FHOD3: variants seen among roughly 807,000 people sequenced by gnomAD.
FHOD3 encodes formin homology 2 domain containing 3.
FHOD3 carries 90 observed loss-of-function variants against 173.0 expected under a neutral mutation model. The observed-to-expected ratio is 0.52, with a 90% CI of 0.44 to 0.62. The LOEUF (loss-of-function observed/expected upper bound fraction) is 0.62, where lower values mean the gene tolerates loss of function less well. Ranked by LOEUF, FHOD3 falls within the 20% of genes least tolerant of loss-of-function variation. The pLI is 0.00. For missense variants in FHOD3, 1,945 were observed against 2,034.7 expected, an observed-to-expected ratio of 0.96 and a Z score of 0.85; for synonymous variants, 828 against 823.0, an observed-to-expected ratio of 1.01 and a Z score of -0.10.
intron 16 of FHOD3, among the ~76,000 whole-genome samples, chr18:36,692,732 T>C (rs554605701): frequency 8.5e-5 from 13 of 152,310 alleles, no homozygotes; most frequent in African/African-American, 2.6e-4. Flanking sequence ...TGAAGCAGGT[T>C]CAGAAATTCA....
chr18:36,779,159 C>G, intron 28 of FHOD3: 1 of 448,148 alleles, frequency 2.2e-6, no homozygotes, highest in South Asian at 3.4e-5. Context: ...GAGGGTGAGC[C>G]TCTCCTCCTT....
At chr18:36,391,930 GTCT>G (rs1300724997) in intron 3 of FHOD3, among the ~76,000 whole-genome samples, 1 of 152,186 alleles carries the variant, frequency 6.6e-6, no homozygotes. Context: ...ATGGCTTGTG[GTCT>G]TCTTTGTCCC....
intron 1 of FHOD3, among the ~76,000 whole-genome samples, chr18:36,350,522 G>A (rs2046074031): frequency 6.6e-6 from 1 of 152,230 alleles, no homozygotes; most frequent in Non-Finnish European, 1.5e-5. Context: ...CTAGAGCCAA[G>A]AAAGGACTGC....
intron 3 of FHOD3, among the ~76,000 whole-genome samples, chr18:36,496,567 GA>G: frequency 6.6e-6 from 1 of 152,224 alleles, no homozygotes; most frequent in Middle Eastern, 3.4e-3. Flanking sequence ...AAAGCACTAT[GA>G]TTTCATTTTA....
intron 25 of FHOD3, among the ~76,000 whole-genome samples, chr18:36,756,258 T>C (rs1274564021): frequency 6.6e-6 from 1 of 152,216 alleles, no homozygotes; most frequent in Admixed American, 6.5e-5. Flanking sequence ...GACTCAACGA[T>C]AATAAAGTCA....
At chr18:36,508,520 C>T (rs915812996) in intron 4 of FHOD3, among the ~76,000 whole-genome samples, 44 of 152,206 alleles carry the variant, frequency 2.9e-4, no homozygotes, top group Admixed American at 2.4e-3. Flanking sequence ...TGAAGGGTCT[C>T]CCACTGGCTG....
At chr18:36,349,326 A>G (rs1457271174) in intron 1 of FHOD3, among the ~76,000 whole-genome samples, 1 of 152,230 alleles carries the variant, frequency 6.6e-6, no homozygotes, top group Non-Finnish European at 1.5e-5. Flanking sequence ...GGCCAAAGCA[A>G]GACACAGGTC....
chr18:36,611,840 A>G (rs577741133), intron 8 of FHOD3, 112 bp from the exon 9 acceptor site: 1 of 1,046,954 alleles, frequency 9.6e-7, no homozygotes, highest in South Asian at 1.8e-5. Context: ...GTCTGGATTG[A>G]TTAGTGGCCA....
intron 7 of FHOD3, among the ~76,000 whole-genome samples, chr18:36,597,770 C>G (rs934947654): frequency 6.7e-6 from 1 of 149,910 alleles, no homozygotes; most frequent in African/African-American, 2.5e-5. Flanking sequence ...CCTTTGGCAA[C>G]TGCTGTTGTC....
At chr18:36,389,737 G>C (rs935040956) in intron 3 of FHOD3, among the ~76,000 whole-genome samples, 81 of 152,160 alleles carry the variant, frequency 5.3e-4, no homozygotes, top group African/African-American at 1.9e-3. Context: ...ATTCCAGAGA[G>C]AGCAGGGAAT....
chr18:36,298,537 C>T (rs1004722510), intron 1 of FHOD3, among the ~76,000 whole-genome samples: 1 of 152,194 alleles, frequency 6.6e-6, no homozygotes, highest in Admixed American at 6.5e-5. Flanking sequence ...TCCTCCTTCC[C>T]CCGGGGGCGC....
At chr18:36,766,471 T>TTAC (rs1179555844) in intron 27 of FHOD3, among the ~76,000 whole-genome samples, 1 of 152,232 alleles carries the variant, frequency 6.6e-6, no homozygotes, top group Non-Finnish European at 1.5e-5. Context: ...TTGCTAACAC[T>TTAC]TACTACTACA....
intron 13 of FHOD3, among the ~76,000 whole-genome samples, chr18:36,654,414 T>C (rs936054212): frequency 5.3e-5 from 8 of 152,238 alleles, no homozygotes; most frequent in African/African-American, 1.9e-4. Flanking sequence ...TTTTTTACTA[T>C]AAGTTTAAAT....
At chr18:36,604,819 T>C (rs755555492) in intron 8 of FHOD3, among the ~76,000 whole-genome samples, 2 of 152,156 alleles carry the variant, frequency 1.3e-5, no homozygotes, top group African/African-American at 2.4e-5. Context: ...AAATTATAAC[T>C]AAATGCAAAT....
At chr18:36,588,034 A>T (rs903903453) in intron 6 of FHOD3, among the ~76,000 whole-genome samples, 36 of 152,194 alleles carry the variant, frequency 2.4e-4, no homozygotes, top group African/African-American at 7.7e-4. Context: ...TGTGCCAACC[A>T]TAGTCTCCAC....
chr18:36,742,139 T>G (rs1600508849), intron 21 of FHOD3, among the ~76,000 whole-genome samples: 1 of 149,100 alleles, frequency 6.7e-6, no homozygotes, highest in Non-Finnish European at 1.5e-5. Flanking sequence ...GACAAAGGAG[T>G]GGGGGCCACA....
intron 20 of FHOD3, among the ~76,000 whole-genome samples, chr18:36,732,459 C>T (rs761920085): frequency 2.6e-4 from 40 of 152,134 alleles, no homozygotes; most frequent in Non-Finnish European, 5.1e-4. Flanking sequence ...GAAGTTGTTC[C>T]CTGAGCTCTG....
At chr18:36,344,707 A>T (rs1341513297) in intron 1 of FHOD3, among the ~76,000 whole-genome samples, 3 of 152,216 alleles carry the variant, frequency 2.0e-5, no homozygotes, top group Admixed American at 6.5e-5. Context: ...AAACATCAGC[A>T]ATCATTTTAA....
intron 17 of FHOD3, among the ~76,000 whole-genome samples, chr18:36,694,999 G>GCA (rs1555808858): frequency 5.3e-5 from 8 of 151,010 alleles, no homozygotes; most frequent in Non-Finnish European, 7.4e-5. Flanking sequence ...GTGTGTGTGC[G>GCA]TGTGTGTGTG....
Sources: allele counts gnomAD v4.1 joint callset (sites outside exome capture counted in the v4.1 genomes callset), GRCh38; gene constraint gnomAD v4.1.1; transcripts MANE v1.5; gene names NCBI Gene and HGNC (gene_info 2026-07-23, HGNC 2026-07-21).